PGAP1: variants seen among roughly 807,000 people sequenced by gnomAD.
PGAP1 encodes GPI inositol-deacylase.
Under a neutral mutation model 127.0 loss-of-function variants are expected in PGAP1, and 76 were observed. The ratio of observed to expected loss-of-function variants is 0.60; its 90% confidence interval spans 0.50 to 0.72. PGAP1 has a LOEUF of 0.72. PGAP1 is among the 30% of genes least tolerant of loss of function. The pLI is 0.00. For synonymous variants in PGAP1, 362 were observed against 366.5 expected (o/e 0.99, Z 0.14); for missense variants, 982 against 1,071.3 (o/e 0.92, Z 1.16).
intron 2 of PGAP1, among the ~76,000 whole-genome samples, chr2:196,916,822 G>A (rs566437823): frequency 6.6e-6 from 1 of 152,242 alleles, no homozygotes; most frequent in East Asian, 1.9e-4. Context: ...TAAACAAAAA[G>A]CAAACAGATC....
chr2:196,891,121 A>G (rs1471946493), intron 9 of PGAP1, among the ~76,000 whole-genome samples: 1 of 152,178 alleles, frequency 6.6e-6, no homozygotes, highest in Non-Finnish European at 1.5e-5. Context: ...TTGTCCTGGA[A>G]GTATCAGTGT....
intron 1 of PGAP1, among the ~76,000 whole-genome samples, chr2:196,923,666 C>CTT (rs755055183): frequency 3.5e-5 from 5 of 144,236 alleles, no homozygotes; most frequent in East Asian, 2.0e-4. Flanking sequence ...TTTTTTCTTT[C>CTT]TTTTTTTTTT....
intron 2 of PGAP1, among the ~76,000 whole-genome samples, chr2:196,919,477 T>A (rs1703115236): frequency 6.6e-6 from 1 of 152,222 alleles, no homozygotes. Flanking sequence ...ACGCCAGAAA[T>A]AACTGCTGTA....
chr2:196,875,601 G>A (rs1180589798), intron 14 of PGAP1, 145 bp downstream of exon 14: 2 of 598,240 alleles, frequency 3.3e-6, no homozygotes, highest in Non-Finnish European at 6.1e-6. Context: ...AGCCCAATGA[G>A]AATAAAACCA....
chr2:196,877,721 C>A (rs1007863405), intron 13 of PGAP1: 4 of 152,080 alleles, frequency 2.6e-5, no homozygotes, highest in African/African-American at 9.6e-5. Flanking sequence ...TCCCCCTTTT[C>A]CTTTCTCTAT....
rs968762192 is a variant in PGAP1 at position 196,835,545 on chromosome 2, C to A, written c.*5689G>T. On this transcript the variant is annotated 3_prime_UTR_variant, in exon 27 of 27. Transcript: ENST00000354764. ...AAATAGAACACACTAGGCTACAAAT[C>A]TTGAATATTTTCAAAGAAAAATTAG... 2 of 152,166 alleles carry A rather than the reference C, an allele frequency of 1.3e-5. No individual in the cohort carries two copies. The highest frequency in any genetic ancestry group is 4.8e-5 in the African/African-American group (2 of 41,430). 9.4% of individuals were successfully genotyped at this position (152,166 alleles called of 1,614,324 possible).
chr2:196,923,660 T>C (rs1015849807), intron 1 of PGAP1, among the ~76,000 whole-genome samples: 1 of 152,016 alleles, frequency 6.6e-6, no homozygotes, highest in Non-Finnish European at 1.5e-5. Context: ...TTTTCTTTTT[T>C]TCTTTCTTTT....
intron 6 of PGAP1, 111 bp from the exon 7 acceptor site, chr2:196,897,308 C>G: frequency 2.0e-6 from 1 of 508,164 alleles, no homozygotes; most frequent in South Asian, 4.5e-5. Flanking sequence ...CTTTAGTGCT[C>G]TAAACTCAAA....
At chr2:196,847,429 A>G (rs1700589677) in intron 21 of PGAP1, 1 of 320,592 alleles carries the variant, frequency 3.1e-6, no homozygotes, top group African/African-American at 2.2e-5. Context: ...TTACTAATCT[A>G]TATTGATACT....
intron 24 of PGAP1, 62 bp downstream of exon 24, chr2:196,844,462 T>C: frequency 1.7e-6 from 2 of 1,190,524 alleles, no homozygotes; most frequent in South Asian, 1.5e-5. Flanking sequence ...AAAAAAAAAC[T>C]CTTATATTTC....
intron 12 of PGAP1, among the ~76,000 whole-genome samples, chr2:196,881,646 T>C (rs528709682): frequency 6.6e-6 from 1 of 152,384 alleles, no homozygotes; most frequent in East Asian, 1.9e-4. Flanking sequence ...TTCCATATAA[T>C]TGTTGGCTGC....
chr2:196,918,487 C>T (rs1703084570), intron 2 of PGAP1, among the ~76,000 whole-genome samples: 1 of 151,960 alleles, frequency 6.6e-6, no homozygotes, highest in Admixed American at 6.6e-5. Flanking sequence ...CAGAATAATA[C>T]AGAGTAAGGA....
rs1411727482 is a variant in PGAP1, at chr2:196,838,698, T to C, written c.*2536A>G. The C allele has an allele frequency of 6.6e-6, 1 of 152,218 alleles. No homozygotes were observed. The highest frequency in any genetic ancestry group is 2.4e-5 in the African/African-American group (1 of 41,460). 9.4% of individuals were successfully genotyped at this position (152,218 alleles called of 1,614,324 possible). A position where few individuals can be genotyped will look rare whatever the true frequency, so the allele number is the denominator to read the frequency against. ...ACTTTAGGACTTGGTGATAACTACA[T>C]TCCCATGAAAATATTTGAGTGAGAA... On this transcript the variant is annotated 3_prime_UTR_variant, in exon 27 of 27. Coordinates refer to ENST00000354764, the MANE Select transcript of PGAP1 (RefSeq NM_024989.4).
chr2:196,882,572 G>C (rs1701766299), intron 12 of PGAP1, among the ~76,000 whole-genome samples: 1 of 152,004 alleles, frequency 6.6e-6, no homozygotes, highest in Non-Finnish European at 1.5e-5. Flanking sequence ...TTATCTCTCT[G>C]ATCAGTTGTA....
At chr2:196,893,948 C>T (rs547607997) in intron 7 of PGAP1, among the ~76,000 whole-genome samples, 2 of 152,296 alleles carry the variant, frequency 1.3e-5, no homozygotes, top group African/African-American at 2.4e-5. Context: ...AACCACAGAG[C>T]GAGAACGGCA....
At chr2:196,890,198 G>A (rs1702053833) in intron 10 of PGAP1, among the ~76,000 whole-genome samples, 3 of 151,982 alleles carry the variant, frequency 2.0e-5, no homozygotes, top group African/African-American at 7.3e-5. Context: ...GCCTCCCAAG[G>A]TGCTAGGATT....
intron 20 of PGAP1, among the ~76,000 whole-genome samples, chr2:196,854,188 C>G (rs749259042): frequency 8.6e-5 from 13 of 152,000 alleles, no homozygotes; most frequent in Non-Finnish European, 1.6e-4. Flanking sequence ...TGAGCCACCA[C>G]ACACCCGGCC....
chr2:196,864,308 T>A (rs530787611), intron 20 of PGAP1, among the ~76,000 whole-genome samples: 1 of 136,048 alleles, frequency 7.4e-6, no homozygotes, highest in African/African-American at 2.9e-5. Context: ...TAGAATCACA[T>A]GAACCAGGGA....
chr2:196,865,996 T>C (rs1231571323), intron 19 of PGAP1, among the ~76,000 whole-genome samples: 1 of 152,192 alleles, frequency 6.6e-6, no homozygotes, highest in Non-Finnish European at 1.5e-5. Context: ...TGGAAAAACA[T>C]TTCATGCTCA....
Sources: allele counts gnomAD v4.1 joint callset (sites outside exome capture counted in the v4.1 genomes callset), GRCh38; gene constraint gnomAD v4.1.1; transcripts MANE v1.5; gene names NCBI Gene and HGNC (gene_info 2026-07-23, HGNC 2026-07-21).